The following TYRP1 variants were observed in gnomAD, a reference collection of about 807,000 sequenced individuals.
TYRP1 encodes the protein 5,6-dihydroxyindole-2-carboxylic acid oxidase.
In TYRP1, 49 loss-of-function variants were observed where a neutral mutation model predicts 42.8. The observed-to-expected ratio is 1.14, with a 90% CI of 0.91 to 1.45. The LOEUF is 1.45. Among genes scored for constraint, TYRP1 ranks in the 40% most tolerant of loss-of-function variants. The pLI, the probability that TYRP1 is intolerant of heterozygous loss-of-function variation, is 0.00. For missense variants in TYRP1, 848 were observed against 662.0 expected (o/e 1.28, Z -3.08); for synonymous variants, 279 against 235.4 (o/e 1.19, Z -1.69).
intron 5 of TYRP1, among the ~76,000 whole-genome samples, chr9:12,704,286 A>AT (rs1818222947): frequency 6.6e-6 from 1 of 151,906 alleles, no homozygotes; most frequent in Admixed American, 6.6e-5. Flanking sequence ...GCAGGTCATT[A>AT]TTTTTAACCT....
intron 3 of TYRP1, 91 bp from the exon 4 acceptor site, chr9:12,698,360 T>C: frequency 8.0e-7 from 1 of 1,247,286 alleles, no homozygotes; most frequent in East Asian, 2.4e-5. Context: ...TGAAGAGAGC[T>C]AATAGAAATA....
chr9:12,695,491 T>G lies in TYRP1; in HGVS notation c.386-24T>G, dbSNP rs200583997. ...CATCCCCGCAAGGCAGATGTTTTCA[T>G]GCTTGAATTTTGTATCCCTAAAGTC... On this transcript the variant is annotated intron_variant, in intron 2 of 7. Coordinates refer to ENST00000388918, the MANE Select transcript of TYRP1 (RefSeq NM_000550.3). 4 of 1,612,644 alleles carry G rather than the reference T, an allele frequency of 2.5e-6. No individual in the cohort carries two copies. In the East Asian group the frequency reaches 8.9e-5, roughly 36 times the overall value.
intron 6 of TYRP1, 22 bp from the exon 7 acceptor site, chr9:12,707,975 C>A (rs41303657): frequency 6.3e-7 from 1 of 1,596,746 alleles, no homozygotes; most frequent in East Asian, 2.3e-5. Context: ...TTTATTAATA[C>A]GTTGTCTTTG....
intron 4 of TYRP1, among the ~76,000 whole-genome samples, chr9:12,699,007 A>G (rs551468855): frequency 3.3e-5 from 5 of 152,232 alleles, no homozygotes; most frequent in African/African-American, 1.2e-4. Context: ...ATTTCACAGA[A>G]AATGTTTCCT....
rs1170377952 is a variant in TYRP1 at position 12,702,309 on chromosome 9, A to C, written c.952A>C (p.Asn318His). Reference sequence around the variant, plus strand: ...GCCAATTAGGAGAAATCCAGCTGGAAATGTGGCCAGACCAATGGTGCAACG... The same window carrying C: ...GCCAATTAGGAGAAATCCAGCTGGACATGTGGCCAGACCAATGGTGCAACG... Reference protein sequence around the residue: ...DGPIRRNPAGNVARPMVQRLP... With the variant: ...DGPIRRNPAGHVARPMVQRLP... The change falls in exon 5 of 8, where the codon AAT becomes CAT. Residue 318 changes from asparagine (N) to histidine (H), a missense_variant. Coordinates refer to ENST00000388918, the MANE Select transcript of TYRP1 (RefSeq NM_000550.3). 3.7e-6 allele frequency: 6 copies of C among 1,613,056 alleles called. No individual in the cohort carries two copies. The highest frequency in any genetic ancestry group is 1.3e-5 in the African/African-American group (1 of 74,864).
intron 3 of TYRP1, among the ~76,000 whole-genome samples, chr9:12,697,634 A>G (rs1389987968): frequency 1.3e-5 from 2 of 152,160 alleles, no homozygotes; most frequent in South Asian, 4.1e-4. Context: ...CCATAAATAG[A>G]ACTTCTCAAG....
intron 3 of TYRP1, among the ~76,000 whole-genome samples, chr9:12,697,735 A>C (rs1384321307): frequency 6.6e-6 from 1 of 152,184 alleles, no homozygotes; most frequent in Non-Finnish European, 1.5e-5. Flanking sequence ...ATTTTTAAAA[A>C]TGTGAGATCA....
chr9:12,704,402 A>T, intron 5 of TYRP1, 124 bp from the exon 6 acceptor site: 1 of 1,001,174 alleles, frequency 1.0e-6, no homozygotes, highest in Non-Finnish European at 1.5e-6. Context: ...GTGCTGTTAT[A>T]TTAAGGCAAA....
intron 6 of TYRP1, 26 bp from the exon 7 acceptor site, chr9:12,707,971 A>C: frequency 6.3e-7 from 1 of 1,592,470 alleles, no homozygotes; most frequent in Non-Finnish European, 8.6e-7. Context: ...TATGTTTATT[A>C]ATACGTTGTC....
At chr9:12,707,263 C>T (rs1477588147) in intron 6 of TYRP1, among the ~76,000 whole-genome samples, 2 of 151,974 alleles carry the variant, frequency 1.3e-5, no homozygotes, top group Admixed American at 6.6e-5. Flanking sequence ...GAAGTAATCA[C>T]ACGTACACTT....
intron 3 of TYRP1, among the ~76,000 whole-genome samples, chr9:12,698,135 T>C (rs889661963): frequency 1.3e-5 from 2 of 152,082 alleles, no homozygotes; most frequent in African/African-American, 4.8e-5. Flanking sequence ...CTTTTTTGTA[T>C]AACCAATATA....
intron 5 of TYRP1, among the ~76,000 whole-genome samples, chr9:12,703,468 C>G (rs1215032780): frequency 6.6e-6 from 1 of 151,800 alleles, no homozygotes; most frequent in Non-Finnish European, 1.5e-5. Flanking sequence ...AGGCCATCAG[C>G]ACTGATGTTT....
intron 1 of TYRP1, 134 bp from the exon 2 acceptor site, chr9:12,693,764 AATTTGTGTGAAATG>A (rs766598226): frequency 2.3e-6 from 1 of 437,558 alleles, no homozygotes. Context: ...TTAAAGGTAA[AATTTGTGTGAAATG>A]TCACACTTTT....
intron 6 of TYRP1, among the ~76,000 whole-genome samples, chr9:12,706,269 C>T (rs1818256608): frequency 1.3e-5 from 2 of 151,900 alleles, no homozygotes; most frequent in South Asian, 4.1e-4. Context: ...TGTTAGTAAA[C>T]TTTTTAGAGG....
intron 5 of TYRP1, 99 bp downstream of exon 5, chr9:12,702,537 T>A: frequency 8.4e-7 from 1 of 1,194,042 alleles, no homozygotes; most frequent in Non-Finnish European, 1.2e-6. Context: ...AATAGTATAT[T>A]AATCCTGTGT....
intron 5 of TYRP1, 45 bp downstream of exon 5, chr9:12,702,483 G>A: frequency 6.3e-7 from 1 of 1,589,252 alleles, no homozygotes; most frequent in Non-Finnish European, 8.6e-7. Flanking sequence ...AGTTATCAGA[G>A]AAAACTGAAT....
At chr9:12,707,312 C>T (rs1818274027) in intron 6 of TYRP1, among the ~76,000 whole-genome samples, 1 of 151,930 alleles carries the variant, frequency 6.6e-6, no homozygotes, top group Non-Finnish European at 1.5e-5. Flanking sequence ...TCTACTATTT[C>T]CTGGTCAGTA....
At chr9:12,694,565 G>C (rs1479887247) in intron 2 of TYRP1, 184 bp downstream of exon 2, 5 of 708,384 alleles carry the variant, frequency 7.1e-6, no homozygotes, top group Non-Finnish European at 1.2e-5. Flanking sequence ...GGTTGGAGTT[G>C]AAGCTCAGAA....
chr9:12,702,163 CA>C, intron 4 of TYRP1, 107 bp from the exon 5 acceptor site: 1 of 1,209,376 alleles, frequency 8.3e-7, no homozygotes. Flanking sequence ...TCTTTTCTAC[CA>C]AGGAAAACCT....
Sources: gnomAD v4.1 joint callset for allele counts (sites outside exome capture counted in the v4.1 genomes callset) on GRCh38, gnomAD v4.1.1 for gene constraint, MANE v1.5 for transcripts, NCBI Gene and HGNC (gene_info 2026-07-23, HGNC 2026-07-21) for gene names.